XKR9: variants seen among roughly 807,000 people sequenced by gnomAD.
The protein encoded by XKR9 is XK related 9.
Under a neutral mutation model 32.0 loss-of-function variants are expected in XKR9, and 32 were observed. That is an observed-to-expected ratio of 1.00 (90% CI 0.76 to 1.34). The LOEUF (loss-of-function observed/expected upper bound fraction) is 1.34. XKR9 is among the 40% of genes most tolerant of loss of function. XKR9 has a pLI of 0.00. For synonymous variants in XKR9, 168 were observed against 143.4 expected, an observed-to-expected ratio of 1.17 and a Z score of -1.22; for missense variants, 546 against 429.7, an observed-to-expected ratio of 1.27 and a Z score of -2.39.
intron 2 of XKR9, among the ~76,000 whole-genome samples, chr8:70,742,722 C>G (rs557852400): frequency 6.6e-6 from 1 of 152,122 alleles, no homozygotes; most frequent in African/African-American, 2.4e-5. Context: ...AAAGACATCA[C>G]TCCACTATTG....
the XKR9 span, among the ~76,000 whole-genome samples, chr8:70,850,932 G>A: frequency 1.3e-5 from 2 of 152,140 alleles, no homozygotes; most frequent in Non-Finnish European, 2.9e-5. Context: ...GTTCTGGCCA[G>A]GACAATCAGG....
chr8:71,003,936 G>T, the XKR9 span, among the ~76,000 whole-genome samples: 1 of 152,188 alleles, frequency 6.6e-6, no homozygotes, highest in Non-Finnish European at 1.5e-5. Flanking sequence ...TGAGCTTTGT[G>T]TGGAGGATGA....
the XKR9 span, among the ~76,000 whole-genome samples, chr8:70,803,913 G>T: frequency 6.6e-6 from 1 of 152,142 alleles, no homozygotes; most frequent in African/African-American, 2.4e-5. Flanking sequence ...TGGGCCAGAA[G>T]CTCTAAAAGG....
At chr8:70,886,287 T>C in the XKR9 span, among the ~76,000 whole-genome samples, 8 of 152,238 alleles carry the variant, frequency 5.3e-5, no homozygotes, top group African/African-American at 1.9e-4. Flanking sequence ...ATCCAGTCTG[T>C]CATTGATGGG....
the XKR9 span, among the ~76,000 whole-genome samples, chr8:70,854,156 G>A: frequency 6.6e-6 from 1 of 152,192 alleles, no homozygotes; most frequent in African/African-American, 2.4e-5. Context: ...GTGTAAAAGT[G>A]TTCCTATTTC....
At chr8:70,881,908 A>C in the XKR9 span, among the ~76,000 whole-genome samples, 34 of 152,118 alleles carry the variant, frequency 2.2e-4, no homozygotes, top group Admixed American at 2.2e-3. Context: ...AATGTGGCAC[A>C]TACACCATGG....
chr8:70,738,992 G>T (rs547014560), downstream of XKR9, among the ~76,000 whole-genome samples: 18 of 152,228 alleles, frequency 1.2e-4, no homozygotes, highest in Non-Finnish European at 2.4e-4. Flanking sequence ...AGGTCCGCTT[G>T]GTGCAGAGCT....
At chr8:70,783,266 G>A (rs534168649) in intron 2 of XKR9, among the ~76,000 whole-genome samples, 33 of 148,204 alleles carry the variant, frequency 2.2e-4, no homozygotes, top group Admixed American at 1.2e-3. Flanking sequence ...TCTGACTCTC[G>A]CCCAGGCTGG....
chr8:70,873,795 A>G, the XKR9 span, among the ~76,000 whole-genome samples: 2 of 152,322 alleles, frequency 1.3e-5, no homozygotes, highest in Admixed American at 1.3e-4. Context: ...GAGAGGACTT[A>G]CTCCAATTTT....
the XKR9 span, among the ~76,000 whole-genome samples, chr8:70,847,158 G>A: frequency 4.6e-5 from 7 of 151,716 alleles, no homozygotes; most frequent in African/African-American, 1.7e-4. Context: ...AGGCCACAAA[G>A]GAATAAAACT....
At chr8:71,025,271 T>C in the XKR9 span, among the ~76,000 whole-genome samples, 1 of 152,160 alleles carries the variant, frequency 6.6e-6, no homozygotes, top group Non-Finnish European at 1.5e-5. Flanking sequence ...ATAAGAGCTA[T>C]AGAAGGACTG....
At chr8:70,744,705 G>A (rs374599589) in intron 2 of XKR9, among the ~76,000 whole-genome samples, 104 of 152,260 alleles carry the variant, frequency 6.8e-4, no homozygotes, top group East Asian at 6.2e-3. Context: ...TCCTGGGTTC[G>A]CGTGATTCTT....
the XKR9 span, among the ~76,000 whole-genome samples, chr8:71,025,194 C>G: frequency 3.3e-5 from 5 of 152,128 alleles, no homozygotes; most frequent in South Asian, 8.3e-4. Flanking sequence ...TTTTATTAAC[C>G]ACTGCACTCA....
At chr8:71,058,217 C>T in the XKR9 span, among the ~76,000 whole-genome samples, 2 of 152,074 alleles carry the variant, frequency 1.3e-5, no homozygotes, top group South Asian at 4.2e-4. Context: ...TATTTTAAAT[C>T]AGTTTTGTGG....
the XKR9 span, among the ~76,000 whole-genome samples, chr8:70,878,819 C>T: frequency 6.6e-6 from 1 of 152,170 alleles, no homozygotes; most frequent in African/African-American, 2.4e-5. Flanking sequence ...TAGATATCTA[C>T]AGAACTCTCC....
At chr8:70,960,745 G>A in the XKR9 span, among the ~76,000 whole-genome samples, 2 of 151,906 alleles carry the variant, frequency 1.3e-5, no homozygotes, top group African/African-American at 4.8e-5. Context: ...AGTGGCAAGT[G>A]CCTGTAGTCC....
the XKR9 span, among the ~76,000 whole-genome samples, chr8:70,876,332 CT>C: frequency 4.2e-4 from 64 of 150,862 alleles, no homozygotes; most frequent in African/African-American, 1.5e-3. Context: ...AGCAATTCTC[CT>C]CCTGAGTAGC....
the XKR9 span, among the ~76,000 whole-genome samples, chr8:70,853,097 C>A: frequency 6.6e-6 from 1 of 151,964 alleles, no homozygotes; most frequent in Non-Finnish European, 1.5e-5. Context: ...TAATTTGCAA[C>A]AACATGGATG....
At chr8:70,712,273 T>A (rs756679358) in intron 4 of XKR9, among the ~76,000 whole-genome samples, 1 of 152,130 alleles carries the variant, frequency 6.6e-6, no homozygotes, top group Non-Finnish European at 1.5e-5. Context: ...TGAAAATATC[T>A]AAAAATATTG....
Sources: gnomAD v4.1 joint callset for allele counts (sites outside exome capture counted in the v4.1 genomes callset) on GRCh38, gnomAD v4.1.1 for gene constraint, MANE v1.5 for transcripts, NCBI Gene and HGNC (gene_info 2026-07-23, HGNC 2026-07-21) for gene names.